GPC5: variants seen among roughly 807,000 people sequenced by gnomAD.
GPC5 encodes the protein glypican 5.
In GPC5, 47 loss-of-function variants were observed where a neutral mutation model predicts 53.9. The ratio of observed to expected loss-of-function variants is 0.87; its 90% confidence interval spans 0.69 to 1.11. GPC5 has a LOEUF of 1.11. GPC5 is among the 50% of genes most tolerant of loss of function. GPC5 has a pLI of 0.00. For missense variants in GPC5, 748 were observed against 713.1 expected (o/e 1.05, Z -0.56); for synonymous variants, 286 against 263.3 (o/e 1.09, Z -0.84).
intron 1 of GPC5, among the ~76,000 whole-genome samples, chr13:91,405,649 G>A (rs1015859626): frequency 3.3e-5 from 5 of 152,150 alleles, no homozygotes; most frequent in African/African-American, 1.2e-4. Context: ...GGTTGTGTAC[G>A]TGATGGAGAC....
intron 7 of GPC5, among the ~76,000 whole-genome samples, chr13:92,147,947 G>A (rs967714524): frequency 3.3e-5 from 5 of 151,986 alleles, no homozygotes; most frequent in Non-Finnish European, 1.5e-5. Flanking sequence ...GCAAGTTAAG[G>A]CATAGTTTTA....
intron 7 of GPC5, among the ~76,000 whole-genome samples, chr13:92,636,886 A>G (rs1017534391): frequency 3.3e-5 from 5 of 152,092 alleles, no homozygotes; most frequent in African/African-American, 9.7e-5. Flanking sequence ...CATGCTCAAC[A>G]TTGTCTTTTC....
At chr13:91,582,755 G>A (rs974901287) in intron 2 of GPC5, among the ~76,000 whole-genome samples, 3 of 152,164 alleles carry the variant, frequency 2.0e-5, no homozygotes, top group Non-Finnish European at 4.4e-5. Context: ...GTTCACGCCT[G>A]TAATCCCAGC....
chr13:92,462,198 G>C (rs1446804989), intron 7 of GPC5, among the ~76,000 whole-genome samples: 1 of 152,122 alleles, frequency 6.6e-6, no homozygotes, highest in Non-Finnish European at 1.5e-5. Flanking sequence ...ATTTTCGTAG[G>C]ATCACTTTGT....
intron 7 of GPC5, among the ~76,000 whole-genome samples, chr13:92,393,225 A>C (rs1322523494): frequency 1.3e-5 from 2 of 152,206 alleles, no homozygotes; most frequent in Non-Finnish European, 2.9e-5. Flanking sequence ...AGCCATAAAA[A>C]AGAATGAGAT....
intron 2 of GPC5, among the ~76,000 whole-genome samples, chr13:91,451,612 G>GTT (rs1408416864): frequency 9.7e-6 from 1 of 103,012 alleles, no homozygotes; most frequent in Non-Finnish European, 1.9e-5. Context: ...CAACTCTTCT[G>GTT]TTTGTTTGTT....
intron 5 of GPC5, among the ~76,000 whole-genome samples, chr13:91,808,537 T>A (rs2038259161): frequency 6.6e-6 from 1 of 152,164 alleles, no homozygotes; most frequent in African/African-American, 2.4e-5. Context: ...ATCTGGGTTG[T>A]TATACATAAT....
intron 7 of GPC5, among the ~76,000 whole-genome samples, chr13:92,529,297 T>C (rs550500397): frequency 5.9e-5 from 9 of 152,276 alleles, no homozygotes; most frequent in African/African-American, 2.2e-4. Context: ...CTTAAAGACA[T>C]TGAATCTATG....
intron 7 of GPC5, among the ~76,000 whole-genome samples, chr13:92,267,721 T>C (rs2042812230): frequency 6.6e-6 from 1 of 152,028 alleles, no homozygotes; most frequent in African/African-American, 2.4e-5. Context: ...TTTTTGTAAA[T>C]AAAGTTTTAT....
intron 7 of GPC5, among the ~76,000 whole-genome samples, chr13:92,287,902 G>C (rs137881267): frequency 6.6e-6 from 1 of 152,000 alleles, no homozygotes; most frequent in African/African-American, 2.4e-5. Flanking sequence ...ACACTGGTAT[G>C]CTTGATGGTG....
At chr13:92,693,961 CTG>C (rs1481102369) in intron 7 of GPC5, among the ~76,000 whole-genome samples, 1 of 152,194 alleles carries the variant, frequency 6.6e-6, no homozygotes, top group Non-Finnish European at 1.5e-5. Context: ...CCCTGCTACT[CTG>C]TGCAGACTCA....
intron 7 of GPC5, among the ~76,000 whole-genome samples, chr13:92,554,220 T>C (rs1048537255): frequency 1.3e-5 from 2 of 151,900 alleles, no homozygotes; most frequent in Admixed American, 6.6e-5. Flanking sequence ...ATATCACCAA[T>C]GGCCTGGAAA....
rs577856266 is a variant in GPC5, at chr13:91,713,146, G to A, written c.1021-15386G>A. On this transcript the variant is annotated intron_variant, in intron 3 of 7. Transcript: ENST00000377067. ...GCGGAGGGTGCAGTGAGCTGACATC[G>A]TGCCACTGCACTCTAGCCTGGGTGA... is the stretch of plus-strand genomic sequence containing the variant. 2.4e-4 allele frequency among the ~76,000 whole-genome samples: 36 copies of A among 152,234 alleles called. No homozygotes were observed. The South Asian group carries it at 5.0e-3, about 21-fold the overall frequency.
chr13:92,292,850 A>G (rs2043007439), intron 7 of GPC5, among the ~76,000 whole-genome samples: 1 of 152,124 alleles, frequency 6.6e-6, no homozygotes, highest in South Asian at 2.1e-4. Context: ...GTATGAGTTG[A>G]GAGATGAGAA....
At chr13:91,721,069 CTTTCTTTCTTTCTTTCTTT>C (rs1376753025) in intron 3 of GPC5, among the ~76,000 whole-genome samples, 3 of 1,486 alleles carry the variant, frequency 2.0e-3, no homozygotes, top group African/African-American at 7.7e-3. Flanking sequence ...CCTTCCCTTT[CTTTCTTTCTTTCTTTCTTT>C]CTTTCTTTCT....
At chr13:92,357,554 T>A in intron 7 of GPC5, among the ~76,000 whole-genome samples, 1 of 151,652 alleles carries the variant, frequency 6.6e-6, no homozygotes, top group East Asian at 1.9e-4. Context: ...ATTGTATTAG[T>A]CCATTCTCTC....
At chr13:92,127,555 T>G (rs2138956688) in intron 6 of GPC5, among the ~76,000 whole-genome samples, 1 of 152,226 alleles carries the variant, frequency 6.6e-6, no homozygotes, top group Middle Eastern at 3.4e-3. Context: ...TTCAATCGAT[T>G]AAATATTAAT....
intron 2 of GPC5, among the ~76,000 whole-genome samples, chr13:91,662,510 A>G (rs184148076): frequency 7.9e-5 from 12 of 152,224 alleles, no homozygotes; most frequent in Admixed American, 7.2e-4. Flanking sequence ...AAAGAGCTGC[A>G]GAAAATTGGG....
At chr13:92,754,626 T>G (rs1874773465) in intron 7 of GPC5, among the ~76,000 whole-genome samples, 1 of 150,992 alleles carries the variant, frequency 6.6e-6, no homozygotes, top group Middle Eastern at 3.4e-3. Flanking sequence ...AATAAAAGGA[T>G]GGAGGAAGAT....
Sources: gnomAD v4.1 joint callset for allele counts (sites outside exome capture counted in the v4.1 genomes callset) on GRCh38, gnomAD v4.1.1 for gene constraint, MANE v1.5 for transcripts, NCBI Gene and HGNC (gene_info 2026-07-23, HGNC 2026-07-21) for gene names.